Variants in TAF4 observed in about 807,000 individuals in gnomAD.
TAF4 encodes TATA-box binding protein associated factor 4.
Under a neutral mutation model 90.3 loss-of-function variants are expected in TAF4, and 9 were observed. The ratio of observed to expected loss-of-function variants is 0.10; its 90% CI spans 0.06 to 0.17. TAF4 has a LOEUF of 0.17. TAF4 is among the 10% of genes least tolerant of loss of function. The probability of loss-of-function intolerance (pLI) is 1.00; values close to 1 mark genes in which losing one functional copy is unlikely to be tolerated. For missense variants in TAF4, 1,351 were observed against 1,370.7 expected, an observed-to-expected ratio of 0.99 and a Z score of 0.23; for synonymous variants, 818 against 638.9, an observed-to-expected ratio of 1.28 and a Z score of -4.23.
Position 62,000,827 on chromosome 20 carries a change from GAGGCC to G in TAF4, c.2487-111_2487-107del, listed in dbSNP as rs2123125436. ...CCCACGTGGAAGGCAGGGCCGTGAG[GAGGCC>G]AGGCCTCTGTCCTCCCCGCACCTGC... On this transcript the variant is annotated intron_variant, in intron 9 of 14. Coordinates refer to ENST00000252996, the MANE Select transcript of TAF4 (RefSeq NM_003185.4). 3 of 1,272,050 alleles carry G rather than the reference GAGGCC, an allele frequency of 2.4e-6. No individual in the cohort carries two copies. The East Asian group carries it at 7.0e-5, about 30-fold the overall frequency. 78.8% of individuals were successfully genotyped at this position (1,272,050 alleles called of 1,614,324 possible). A position where few individuals can be genotyped will look rare whatever the true frequency, so the allele number is the denominator to read the frequency against.
chr20:62,059,490 G>A (rs1444916693), intron 1 of TAF4, among the ~76,000 whole-genome samples: 1 of 152,212 alleles, frequency 6.6e-6, no homozygotes, highest in Non-Finnish European at 1.5e-5. Flanking sequence ...GAACAGCTGT[G>A]TACGTGTTTG....
In TAF4 at chr20:62,014,622, G is replaced by A. The variant is rs755926256; in HGVS notation, c.1446C>T (p.Ala482=). The A allele has an allele frequency of 5.6e-6, 9 of 1,613,986 alleles. No homozygotes were observed. The East Asian group carries it at 1.3e-4, about 24-fold the overall frequency. ...GAGGCGCCATGGTGGTCTGAGGCTGGGCATGGGCCTGCGCCTGCATCTGGG... is the reference window on the plus strand; with the variant it reads ...GAGGCGCCATGGTGGTCTGAGGCTGAGCATGGGCCTGCGCCTGCATCTGGG... ...ALAQMQAQAH[A]QPQTTMAPRP... The change falls in exon 2 of 15, where the codon GCC becomes GCT. Residue 482 remains alanine, a synonymous_variant. Transcript: ENST00000252996.
intron 1 of TAF4, among the ~76,000 whole-genome samples, chr20:62,051,306 C>A (rs2056026200): frequency 6.6e-6 from 1 of 152,168 alleles, no homozygotes; most frequent in Non-Finnish European, 1.5e-5. Context: ...GTGCTCAGCT[C>A]TTGACGTGGG....
At chr20:61,988,379 A>G (rs541197639) in intron 14 of TAF4, among the ~76,000 whole-genome samples, 1 of 152,298 alleles carries the variant, frequency 6.6e-6, no homozygotes, top group Non-Finnish European at 1.5e-5. Context: ...ATAGTTTATT[A>G]ATTTATTTAA....
intron 1 of TAF4, among the ~76,000 whole-genome samples, chr20:62,050,130 C>A (rs1248351515): frequency 6.6e-6 from 1 of 152,204 alleles, no homozygotes; most frequent in Non-Finnish European, 1.5e-5. Flanking sequence ...GAGGCCACAA[C>A]AGTCAAAACA....
At position 61,975,907 on chromosome 20, in the gene TAF4, T is replaced by C; in HGVS notation, c.*261A>G. 2.1e-6 allele frequency: 1 copy of C among 479,488 alleles called. No homozygotes were observed. Among genetic ancestry groups the C allele is most frequent in the East Asian group, 3.5e-5 (1 of 28,966 alleles). The allele number at this position is 479,488 out of a possible 1,614,324, so 29.7% of individuals were successfully genotyped here. Reference sequence around the variant, plus strand: ...ATTTGCTAACGATTCCATCAGTCTTTATATATGGCTTGTTTGGCAGGAAGG... The same window carrying C: ...ATTTGCTAACGATTCCATCAGTCTTCATATATGGCTTGTTTGGCAGGAAGG... On this transcript the variant is annotated 3_prime_UTR_variant, in exon 15 of 15. Transcript: ENST00000252996.
chr20:61,977,892 T>C (rs1052842452), intron 14 of TAF4, among the ~76,000 whole-genome samples: 1 of 152,230 alleles, frequency 6.6e-6, no homozygotes, highest in African/African-American at 2.4e-5. Flanking sequence ...CTGTGTTTGA[T>C]GTTTCTATCT....
At chr20:62,002,484 G>A (rs1396034239) in intron 9 of TAF4, among the ~76,000 whole-genome samples, 2 of 152,132 alleles carry the variant, frequency 1.3e-5, no homozygotes, top group Non-Finnish European at 2.9e-5. Flanking sequence ...GGAGGCCCAG[G>A]CAAAGCACAG....
chr20:62,040,253 G>A (rs998501014), intron 1 of TAF4, among the ~76,000 whole-genome samples: 2 of 152,164 alleles, frequency 1.3e-5, no homozygotes, highest in Non-Finnish European at 2.9e-5. Context: ...GATCACCTGC[G>A]GTCCAGCCGC....
rs537795931 is a variant in TAF4 at position 62,064,384 on chromosome 20, C to T, written c.1360+67G>A. ...ACCTTAGCATTCCACCAGCGGAGAA[C>T]TTCCTGGAACTGGCAGCTGGCGCTG... On this transcript the variant is annotated intron_variant, in intron 1 of 14. Transcript: ENST00000252996. 3.9e-6 allele frequency: 5 copies of T among 1,275,526 alleles called. No individual in the cohort carries two copies. In the South Asian group the frequency reaches 7.6e-5, roughly 19 times the overall value. The allele number at this position is 1,275,526 out of a possible 1,614,324, so 79.0% of individuals were successfully genotyped here.
At chr20:62,050,694 C>T (rs950304233) in intron 1 of TAF4, among the ~76,000 whole-genome samples, 1 of 152,216 alleles carries the variant, frequency 6.6e-6, no homozygotes, top group Non-Finnish European at 1.5e-5. Context: ...GGGCACACCC[C>T]TGCTGCTGAT....
chr20:62,065,877 C>G lies in TAF4; in HGVS notation c.-67G>C, dbSNP rs1376603885. 2 of 1,076,130 alleles carry G rather than the reference C, an allele frequency of 1.9e-6. No individual in the cohort carries two copies. The highest frequency in any genetic ancestry group is 2.3e-6 in the Non-Finnish European group (2 of 881,248). 66.7% of individuals were successfully genotyped at this position (1,076,130 alleles called of 1,614,324 possible). On this transcript the variant is annotated 5_prime_UTR_variant, in exon 1 of 15. Transcript: ENST00000252996. ...GCGCGCCTGGGCGAGGAGGAGGTTC[C>G]GACTGGGGCGGGCGCTGGGCGGGCG...
intron 1 of TAF4, among the ~76,000 whole-genome samples, chr20:62,023,990 A>T (rs537965104): frequency 6.6e-6 from 1 of 152,114 alleles, no homozygotes; most frequent in South Asian, 2.1e-4. Context: ...AGGTGGGAAG[A>T]CTGCTTGAGC....
chr20:62,006,454 G>A lies in TAF4; in HGVS notation c.2223+56C>T, dbSNP rs566343308. Reference sequence around the variant, plus strand: ...GCCGTGGCCAATTTATCTAAGAAGCGGGCGGGAGCAGAGGCACGGTGGGCT... The same window carrying A: ...GCCGTGGCCAATTTATCTAAGAAGCAGGCGGGAGCAGAGGCACGGTGGGCT... On this transcript the variant is annotated intron_variant, in intron 7 of 14. Transcript: ENST00000252996. This position sits in a 1 kb window ranked among gnomAD's most constrained non-coding sequence, Gnocchi z 7.0. 5.6e-4 allele frequency: 755 copies of A among 1,352,856 alleles called. 5 individuals carry two copies. In the African/African-American group the frequency reaches 9.1e-3, roughly 16 times the overall value. The allele number at this position is 1,352,856 out of a possible 1,614,324, so 83.8% of individuals were successfully genotyped here.
intron 14 of TAF4, among the ~76,000 whole-genome samples, chr20:61,988,707 G>A (rs1423798573): frequency 3.3e-5 from 5 of 151,792 alleles, no homozygotes; most frequent in African/African-American, 1.2e-4. Context: ...AAAGGCAAGC[G>A]AAACAACTGC....
chr20:61,999,147 A>G, intron 11 of TAF4, 39 bp from the exon 12 acceptor site: 1 of 1,607,928 alleles, frequency 6.2e-7, no homozygotes, highest in Non-Finnish European at 8.5e-7. Flanking sequence ...CATAAATCTG[A>G]GAGCCCAGCA....
At chr20:62,049,851 A>ACGACACCAT (rs1410009456) in intron 1 of TAF4, among the ~76,000 whole-genome samples, 1 of 152,092 alleles carries the variant, frequency 6.6e-6, no homozygotes, top group African/African-American at 2.4e-5. Flanking sequence ...GGCAGGTTTC[A>ACGACACCAT]CGACACCATC....
At position 62,014,023 on chromosome 20, in the gene TAF4, T is replaced by TGGGGGG. The variant is rs1354883504; in HGVS notation, c.1521+523_1521+524insCCCCCC. On this transcript the variant is annotated intron_variant, in intron 2 of 14. Coordinates refer to ENST00000252996, the MANE Select transcript of TAF4 (RefSeq NM_003185.4). ...GAAGGCTGACGCGGGGGTGTGGGTGTGTGTGTGTGTGTGTGTGTGTGTATG... is the reference window on the plus strand; with the variant it reads ...GAAGGCTGACGCGGGGGTGTGGGTGTGGGGGGGTGTGTGTGTGTGTGTGTGTGTATG... Among the ~76,000 whole-genome samples the TGGGGGG allele has an allele frequency of 2.2e-3, 224 of 100,302 alleles. 3 individuals carry two copies. Among genetic ancestry groups the TGGGGGG allele is most frequent in the Admixed American group, 6.2e-3 (61 of 9,810 alleles). 65.8% of individuals were successfully genotyped at this position (100,302 alleles called of 152,430 possible).
At chr20:62,017,389 A>G (rs1017641244) in intron 1 of TAF4, among the ~76,000 whole-genome samples, 1 of 152,120 alleles carries the variant, frequency 6.6e-6, no homozygotes, top group Non-Finnish European at 1.5e-5. Flanking sequence ...CTGTAATCCC[A>G]GCACTTTGGG....
Sources: allele counts gnomAD v4.1 joint callset (sites outside exome capture counted in the v4.1 genomes callset), GRCh38; gene constraint gnomAD v4.1.1; non-coding constraint Gnocchi (gnomAD v3.1); transcripts MANE v1.5; gene names NCBI Gene and HGNC (gene_info 2026-07-23, HGNC 2026-07-21).